Variants in STK36 observed in about 807,000 individuals in gnomAD.
The protein encoded by STK36 is serine/threonine-protein kinase 36.
A neutral mutation model predicts 142.2 loss-of-function variants in STK36; 116 were observed. The observed-to-expected ratio is 0.82, with a 90% CI of 0.70 to 0.95. The LOEUF (loss-of-function observed/expected upper bound fraction) is 0.95. Among genes scored for constraint, STK36 ranks in the 40% least tolerant of loss-of-function variants. The pLI is 0.00. For synonymous variants in STK36, 619 were observed against 641.7 expected (o/e 0.96, Z 0.53); for missense variants, 1,422 against 1,617.2 (o/e 0.88, Z 2.07).
At chr2:218,679,007 C>T (rs1575123951) in intron 6 of STK36, among the ~76,000 whole-genome samples, 161 bp from the exon 7 acceptor site, 1 of 152,090 alleles carries the variant, frequency 6.6e-6, no homozygotes, top group South Asian at 2.1e-4. Context: ...TGATTTCAGC[C>T]AGGAAAATGG....
At position 218,692,647 on chromosome 2, in the gene STK36, TGCCC is replaced by T; in HGVS notation, c.1981_1984del (p.Ala661TrpfsTer29). Reference sequence around the variant, plus strand: ...AGGATATACCTGGAGCCATTTCCTCTGCCCTGGCAGCCATATGCACTGCTCCTGT... The same window carrying T: ...AGGATATACCTGGAGCCATTTCCTCTTGGCAGCCATATGCACTGCTCCTGT... On this transcript the variant is annotated frameshift_variant, in exon 16 of 27. Transcript: ENST00000295709. LOFTEE classifies it high-confidence loss of function. 6.2e-7 allele frequency: 1 copy of T among 1,613,818 alleles called. No individual in the cohort carries two copies. The highest frequency in any genetic ancestry group is 8.5e-7 in the Non-Finnish European group (1 of 1,180,020).
Position 218,693,908 on chromosome 2 carries a change from A to T in STK36, c.2261A>T (p.Asp754Val), listed in dbSNP as rs763365731. Residue 754 changes from aspartate to valine, a missense_variant, in exon 19 of 27, where the codon GAT becomes GTT. Transcript: ENST00000295709. ...MLIQGKVKVV[D>V]WEESTEVTLY... ...TTTCCTTTGTAGGTAAAAGTAGTAG[A>T]TTGGGAAGAGTCTACTGAAGTGACA... The T allele has an allele frequency of 2.5e-6, 4 of 1,614,212 alleles. No homozygotes were observed. In the East Asian group the frequency reaches 6.7e-5, roughly 27 times the overall value.
chr2:218,697,380 G>A (rs1941275583), intron 23 of STK36, 83 bp from the exon 24 acceptor site: 1 of 1,569,796 alleles, frequency 6.4e-7, no homozygotes, highest in African/African-American at 1.4e-5. Flanking sequence ...GACTGAATAG[G>A]TGTAGCCCTG....
At chr2:218,673,129 A>G in intron 2 of STK36, 1 of 492,324 alleles carries the variant, frequency 2.0e-6, no homozygotes, top group Non-Finnish European at 3.7e-6. Context: ...AAATTACTTA[A>G]CTTCCCTATG....
intron 11 of STK36, among the ~76,000 whole-genome samples, chr2:218,686,749 G>A (rs1940796249): frequency 1.3e-5 from 2 of 152,194 alleles, no homozygotes; most frequent in Admixed American, 6.5e-5. Context: ...TCTATGTATG[G>A]ATAAATGTTT....
chr2:218,684,030 C>T (rs1050739257), intron 10 of STK36, among the ~76,000 whole-genome samples: 22 of 150,126 alleles, frequency 1.5e-4, no homozygotes, highest in African/African-American at 4.2e-4. Flanking sequence ...AGCTCCTGGC[C>T]TCAAGCAGTC....
intron 21 of STK36, among the ~76,000 whole-genome samples, chr2:218,695,212 A>G (rs1270408993): frequency 1.6e-5 from 2 of 122,598 alleles, no homozygotes; most frequent in Admixed American, 8.6e-5. Context: ...TAATCAAATT[A>G]TTGTCATCCC....
chr2:218,681,220 T>G (rs950971911), intron 10 of STK36, among the ~76,000 whole-genome samples: 2 of 151,478 alleles, frequency 1.3e-5, no homozygotes, highest in African/African-American at 4.9e-5. Flanking sequence ...CTCTCCCTTC[T>G]GGGTTCAAGC....
chr2:218,696,961 C>A, intron 22 of STK36, 78 bp from the exon 23 acceptor site: 1 of 1,574,100 alleles, frequency 6.4e-7, no homozygotes, highest in Non-Finnish European at 8.7e-7. Context: ...ACTTGTAAGT[C>A]AGGGACAGGA....
At chr2:218,682,793 A>G (rs572205030) in intron 10 of STK36, among the ~76,000 whole-genome samples, 3 of 152,098 alleles carry the variant, frequency 2.0e-5, no homozygotes, top group African/African-American at 7.2e-5. Flanking sequence ...AGGTTTCGCC[A>G]TCTTGTCCAG....
At chr2:218,693,644 C>A in intron 17 of STK36, 79 bp from the exon 18 acceptor site, 2 of 1,323,044 alleles carry the variant, frequency 1.5e-6, no homozygotes, top group African/African-American at 1.5e-5. Context: ...AGGGGCTGGC[C>A]GGTGTTTCCG....
At position 218,688,787 on chromosome 2, in the gene STK36, G is replaced by T; in HGVS notation, c.1471G>T (p.Ala491Ser). The T allele has an allele frequency of 6.2e-7, 1 of 1,614,140 alleles. No individual in the cohort carries two copies. Among genetic ancestry groups the T allele is most frequent in the Non-Finnish European group, 8.5e-7 (1 of 1,180,028 alleles). Residue 491 changes from alanine (A) to serine (S), a missense_variant, in exon 12 of 27, where the codon GCC becomes TCC. Physicochemically the swap from Ala to Ser is moderately conservative, Grantham distance 99. Coordinates refer to ENST00000295709, the MANE Select transcript of STK36 (RefSeq NM_015690.5). ...TCTCTCCAGCTGCAGTGATTCTGTT[G>T]CCTTGTATTCCTTCTGCCGGGAGGC... ...SLLSSCSDSV[A>S]LYSFCREAGL...
At chr2:218,677,854 G>A (rs970404905) in intron 6 of STK36, among the ~76,000 whole-genome samples, 1 of 152,108 alleles carries the variant, frequency 6.6e-6, no homozygotes, top group Non-Finnish European at 1.5e-5. Context: ...GCAGTGGCAC[G>A]ATCTCGGCTC....
chr2:218,682,768 G>C (rs1401490953), intron 10 of STK36, among the ~76,000 whole-genome samples: 1 of 151,732 alleles, frequency 6.6e-6, no homozygotes, highest in African/African-American at 2.4e-5. Flanking sequence ...TAATTTTTGT[G>C]TTTTTTTAGA....
chr2:218,679,918 T>C lies in STK36; in HGVS notation c.974T>C (p.Leu325Pro), dbSNP rs1940435581. The change falls in exon 9 of 27, where the codon CTT becomes CCT. Residue 325 changes from leucine to proline, a missense_variant. By Grantham distance (98) the Leu-to-Pro change is moderately conservative. Transcript: ENST00000295709. Reference protein sequence around the residue: ...QKKHQNTGPALEQEDKTSKVA... With the variant: ...QKKHQNTGPAPEQEDKTSKVA... The stretch of plus-strand genomic sequence containing the variant: ...AAACATCAGAACACAGGACCTGCCC[T>C]TGAGCAAGAGGACAAGACCAGCAAG... The C allele has an allele frequency of 6.2e-7, 1 of 1,613,932 alleles. No individual in the cohort carries two copies. Among genetic ancestry groups the C allele is most frequent in the African/African-American group, 1.3e-5 (1 of 74,912 alleles).
rs774528652 is a variant in STK36 at position 218,679,198 on chromosome 2, C to T, written c.715C>T (p.Pro239Ser). The T allele has an allele frequency of 6.2e-7, 1 of 1,614,152 alleles. No homozygotes were observed. ...CCTGCAGGGACTGCTCACCAAAGAC[C>T]CACGGCAGCGACTGTCCTGGCCAGA... The part of the protein sequence containing the change: ...NFLQGLLTKD[P>S]RQRLSWPDLL... Residue 239 changes from proline to serine, a missense_variant, in exon 7 of 27, where the codon CCA (proline) becomes TCA (serine). Pro to Ser is a moderately conservative substitution (Grantham distance 74). Transcript: ENST00000295709.
At chr2:218,684,106 CTTTTTTTT>C (rs35807157) in intron 10 of STK36, among the ~76,000 whole-genome samples, 2 of 105,186 alleles carry the variant, frequency 1.9e-5, no homozygotes, top group Admixed American at 2.0e-4. Flanking sequence ...GCCTCACGAT[CTTTTTTTT>C]TTTTTTTTTT....
chr2:218,679,222 G>C lies in STK36; in HGVS notation c.739G>C (p.Asp247His), dbSNP rs146257842. 1.9e-5 allele frequency: 31 copies of C among 1,614,176 alleles called. No homozygotes were observed. In the African/African-American group the frequency reaches 4.0e-4, roughly 21 times the overall value. ...KDPRQRLSWPDLLYHPFIAGH... is the reference protein window; with the variant it reads ...KDPRQRLSWPHLLYHPFIAGH... Reference sequence around the variant, plus strand: ...CCCACGGCAGCGACTGTCCTGGCCAGACCTCTTATATCACCCCTTTATTGC... The same window carrying C: ...CCCACGGCAGCGACTGTCCTGGCCACACCTCTTATATCACCCCTTTATTGC... Residue 247 changes from aspartate to histidine, a missense_variant, in exon 7 of 27, where the codon GAC becomes CAC. Transcript: ENST00000295709.
At chr2:218,678,847 TAAG>T (rs768651266) in intron 6 of STK36, among the ~76,000 whole-genome samples, 2 of 152,222 alleles carry the variant, frequency 1.3e-5, no homozygotes, top group Non-Finnish European at 2.9e-5. Flanking sequence ...TGAAGATCAT[TAAG>T]AAGGTGACAT....
Sources: allele counts gnomAD v4.1 joint callset (sites outside exome capture counted in the v4.1 genomes callset), GRCh38; gene constraint gnomAD v4.1.1; transcripts MANE v1.5; gene names NCBI Gene and HGNC (gene_info 2026-07-23, HGNC 2026-07-21).